Variants in THADA observed in about 807,000 individuals in gnomAD.
The protein encoded by THADA is tRNA (32-2'-O)-methyltransferase regulator THADA.
THADA carries 213 observed loss-of-function variants against 219.8 expected under a neutral mutation model. That is an observed-to-expected ratio of 0.97 (90% CI 0.87 to 1.09). The LOEUF (loss-of-function observed/expected upper bound fraction) is 1.09. THADA is among the 50% of genes least tolerant of loss of function. THADA has a pLI of 0.00. For synonymous variants in THADA, 1,018 were observed against 828.9 expected (o/e 1.23, Z -3.92); for missense variants, 2,956 against 2,311.3 (o/e 1.28, Z -5.72).
intron 22 of THADA, among the ~76,000 whole-genome samples, chr2:43,514,679 T>TA (rs1437065841): frequency 1.3e-5 from 1 of 78,096 alleles, no homozygotes; most frequent in Non-Finnish European, 2.2e-5. Context: ...ATATAATATA[T>TA]TATATTATAT....
intron 35 of THADA, among the ~76,000 whole-genome samples, chr2:43,282,522 G>A (rs764641507): frequency 1.3e-5 from 2 of 152,162 alleles, no homozygotes; most frequent in African/African-American, 2.4e-5. Context: ...CTTGGAGGCA[G>A]TGACCATGTC....
intron 25 of THADA, among the ~76,000 whole-genome samples, chr2:43,490,929 T>A (rs1194070395): frequency 6.6e-6 from 1 of 152,156 alleles, no homozygotes; most frequent in Non-Finnish European, 1.5e-5. Context: ...AAATACATAC[T>A]CTGTTTTAGA....
chr2:43,265,655 C>G (rs1671431768), intron 36 of THADA, among the ~76,000 whole-genome samples: 1 of 152,160 alleles, frequency 6.6e-6, no homozygotes, highest in Non-Finnish European at 1.5e-5. Flanking sequence ...AATGAGAAGC[C>G]CACAGAGGCT....
At chr2:43,368,436 G>A (rs1194719894) in intron 29 of THADA, among the ~76,000 whole-genome samples, 3 of 151,976 alleles carry the variant, frequency 2.0e-5, no homozygotes, top group African/African-American at 7.2e-5. Context: ...TTGCTCTGTC[G>A]CCCGGGCTGG....
intron 29 of THADA, 77 bp from the exon 30 acceptor site, chr2:43,344,314 T>G: frequency 9.8e-7 from 1 of 1,016,410 alleles, no homozygotes; most frequent in Non-Finnish European, 1.4e-6. Flanking sequence ...CTTTTAAGTT[T>G]CCTTAAAATG....
intron 29 of THADA, among the ~76,000 whole-genome samples, chr2:43,358,740 C>G (rs1669151087): frequency 6.6e-6 from 1 of 152,158 alleles, no homozygotes; most frequent in South Asian, 2.1e-4. Context: ...GGCCCCAAAA[C>G]CTGAGTGGGC....
At chr2:43,280,730 C>T (rs1673247934) in intron 35 of THADA, among the ~76,000 whole-genome samples, 1 of 152,166 alleles carries the variant, frequency 6.6e-6, no homozygotes, top group African/African-American at 2.4e-5. Context: ...TGTAGGGGGT[C>T]CACTATCTGA....
intron 29 of THADA, among the ~76,000 whole-genome samples, chr2:43,385,276 G>A (rs1672510525): frequency 6.6e-6 from 1 of 152,106 alleles, no homozygotes; most frequent in Non-Finnish European, 1.5e-5. Flanking sequence ...TCAGAAACAA[G>A]TTAGATATAA....
At chr2:43,318,277 G>A (rs1277588433) in intron 31 of THADA, among the ~76,000 whole-genome samples, 1 of 151,866 alleles carries the variant, frequency 6.6e-6, no homozygotes, top group Non-Finnish European at 1.5e-5. Flanking sequence ...CTGGCCTCAA[G>A]CAATCCTCCT....
chr2:43,255,247 T>A (rs1268340915), intron 36 of THADA, among the ~76,000 whole-genome samples: 1 of 152,222 alleles, frequency 6.6e-6, no homozygotes, highest in Non-Finnish European at 1.5e-5. Context: ...TATACACATA[T>A]AAATATCCTA....
intron 10 of THADA, among the ~76,000 whole-genome samples, chr2:43,576,434 T>G (rs975316410): frequency 6.6e-6 from 1 of 152,176 alleles, no homozygotes; most frequent in African/African-American, 2.4e-5. Context: ...AGGTAAGCAT[T>G]TACTTTTCTA....
intron 26 of THADA, among the ~76,000 whole-genome samples, chr2:43,459,068 C>T (rs2046916): frequency 0.19 from 29,261 of 152,088 alleles, 3,001 homozygotes; most frequent in Middle Eastern, 0.24. Flanking sequence ...GCACAACTTT[C>T]CAATCCAGCC....
At chr2:43,588,204 T>A (rs145214734) in intron 4 of THADA, among the ~76,000 whole-genome samples, 325 of 151,986 alleles carry the variant, frequency 2.1e-3, no homozygotes, top group Non-Finnish European at 3.3e-3. Flanking sequence ...TTTGGGTAAG[T>A]GGTTCCCCAT....
chr2:43,458,437 C>T (rs184186788), intron 26 of THADA, among the ~76,000 whole-genome samples: 118 of 152,242 alleles, frequency 7.8e-4, no homozygotes, highest in Middle Eastern at 6.8e-3. Context: ...CCTCAGTTTC[C>T]TCATCTATTA....
At position 43,592,407 on chromosome 2, in the gene THADA, A is replaced by G. The variant is rs754300839; in HGVS notation, c.-15T>C. The G allele has an allele frequency of 1.9e-6, 3 of 1,564,274 alleles. No homozygotes were observed. Among genetic ancestry groups the G allele is most frequent in the Non-Finnish European group, 8.7e-7 (1 of 1,145,968 alleles). On this transcript the variant is annotated 5_prime_UTR_variant, in exon 2 of 38. Coordinates refer to ENST00000405975, the MANE Select transcript of THADA (RefSeq NM_022065.5). Reference sequence around the variant, plus strand: ...TTTACACCCATTTTAAATAGAATTAATAGTAGTCACTGCAAGAAAGAAGAC... The same window carrying G: ...TTTACACCCATTTTAAATAGAATTAGTAGTAGTCACTGCAAGAAAGAAGAC...
At position 43,571,770 on chromosome 2, in the gene THADA, A is replaced by G. The variant is rs760293064; in HGVS notation, c.2001T>C (p.Ile667=). 9 of 1,613,902 alleles carry G rather than the reference A, an allele frequency of 5.6e-6. No homozygotes were observed. The South Asian group carries it at 9.9e-5, about 18-fold the overall frequency. ...MEEMQWIQFF[I]TYNLNSQSPG... Reference sequence around the variant, plus strand: ...GAGACTGGCTGTTAAGATTGTATGTAATAAAGAACTGAATCCACTGCATTT... The same window carrying G: ...GAGACTGGCTGTTAAGATTGTATGTGATAAAGAACTGAATCCACTGCATTT... The change falls in exon 13 of 38, where the codon ATT becomes ATC. Residue 667 remains isoleucine (I), a synonymous_variant. Transcript: ENST00000405975.
At chr2:43,357,530 T>C (rs1312211267) in intron 29 of THADA, among the ~76,000 whole-genome samples, 1 of 152,232 alleles carries the variant, frequency 6.6e-6, no homozygotes, top group Non-Finnish European at 1.5e-5. Context: ...AGGAGTTTAT[T>C]TTACAGACAA....
intron 13 of THADA, among the ~76,000 whole-genome samples, chr2:43,570,779 T>C (rs991119690): frequency 2.6e-5 from 4 of 152,248 alleles, no homozygotes; most frequent in African/African-American, 9.6e-5. Flanking sequence ...TTCCCTACTT[T>C]ACCAATTCTT....
At position 43,292,954 on chromosome 2, in the gene THADA, T is replaced by G; in HGVS notation, c.4698A>C (p.Glu1566Asp). The G allele has an allele frequency of 1.2e-6, 2 of 1,614,018 alleles. No homozygotes were observed. Among genetic ancestry groups the G allele is most frequent in the Middle Eastern group, 3.3e-4 (2 of 6,062 alleles). Residue 1566 changes from glutamate (E) to aspartate (D), a missense_variant, in exon 32 of 38, where the codon GAA (glutamate) becomes GAC (aspartate). Coordinates refer to ENST00000405975, the MANE Select transcript of THADA (RefSeq NM_022065.5). ...GTCCAGAGGCTGCTGCTAAGAACTT[T>G]TCCAAGAGGGCTTCCAGTGTTAGTG... ...VRSLTLEALL[E>D]KFLAAASGLG...
Sources: allele counts gnomAD v4.1 joint callset (sites outside exome capture counted in the v4.1 genomes callset), GRCh38; gene constraint gnomAD v4.1.1; transcripts MANE v1.5; gene names NCBI Gene and HGNC (gene_info 2026-07-23, HGNC 2026-07-21).